Variants in NBEAL1 observed in about 807,000 individuals in gnomAD.
NBEAL1 encodes neurobeachin-like protein 1.
A neutral mutation model predicts 351.3 loss-of-function variants in NBEAL1; 273 were observed. That is an observed-to-expected ratio of 0.78 (90% CI 0.70 to 0.86). NBEAL1 has a LOEUF of 0.86. NBEAL1 is among the 40% of genes least tolerant of loss of function. The pLI, the probability that NBEAL1 is intolerant of heterozygous loss-of-function variation, is 0.00. For missense variants in NBEAL1, 2,961 were observed against 3,201.3 expected, an observed-to-expected ratio of 0.92 and a Z score of 1.81; for synonymous variants, 1,050 against 1,086.4, an observed-to-expected ratio of 0.97 and a Z score of 0.66.
At position 203,086,694 on chromosome 2, in the gene NBEAL1, C is replaced by T. The variant is rs1574949659; in HGVS notation, c.1098+2125C>T. ...GGATTACAGGTGCCTGCCACCATGC[C>T]TGGCTAATCTTTGTATTTTTAGTAG... On this transcript the variant is annotated intron_variant, in intron 10 of 55. Coordinates refer to ENST00000683969, the MANE Select transcript of NBEAL1 (RefSeq NM_001378026.1). Among the ~76,000 whole-genome samples the T allele has an allele frequency of 2.0e-5, 3 of 152,298 alleles. No individual in the cohort carries two copies. In the East Asian group the frequency reaches 5.8e-4, roughly 29 times the overall value.
chr2:203,108,822 G>T (rs2062498537), intron 14 of NBEAL1, among the ~76,000 whole-genome samples: 2 of 152,022 alleles, frequency 1.3e-5, no homozygotes, highest in Admixed American at 1.3e-4. Context: ...AGAGGCAGGT[G>T]CATTGCCTGA....
chr2:203,127,714 T>C (rs2062973689), intron 23 of NBEAL1, 67 bp from the exon 24 acceptor site: 13 of 1,037,330 alleles, frequency 1.3e-5, no homozygotes, highest in Non-Finnish European at 1.8e-5. Context: ...AGAGCGAGAC[T>C]CCATCTCAGA....
chr2:203,127,143 T>A (rs1575009069), intron 23 of NBEAL1, among the ~76,000 whole-genome samples: 1 of 152,220 alleles, frequency 6.6e-6, no homozygotes. Flanking sequence ...GGCAAATTAC[T>A]CAACTTCTCT....
At chr2:203,212,188 C>G (rs921766423) in intron 54 of NBEAL1, among the ~76,000 whole-genome samples, 1 of 151,830 alleles carries the variant, frequency 6.6e-6, no homozygotes. Flanking sequence ...GCACCTGGCC[C>G]GAGATTTCTG....
intron 18 of NBEAL1, among the ~76,000 whole-genome samples, chr2:203,116,789 CA>C (rs34559564): frequency 2.3e-3 from 227 of 100,694 alleles, no homozygotes; most frequent in Middle Eastern, 5.7e-3. Flanking sequence ...GACCCTGTCT[CA>C]AAAAAAAAAA....
intron 2 of NBEAL1, among the ~76,000 whole-genome samples, chr2:203,026,663 C>T (rs541245076): frequency 6.6e-6 from 1 of 152,022 alleles, no homozygotes; most frequent in African/African-American, 2.4e-5. Flanking sequence ...TACTGGTGTG[C>T]ACCACCATGC....
At chr2:203,110,674 A>AAAT (rs1553610986) in intron 15 of NBEAL1, among the ~76,000 whole-genome samples, 5 of 130,880 alleles carry the variant, frequency 3.8e-5, no homozygotes, top group East Asian at 2.2e-4. Flanking sequence ...ATCCTGTCTC[A>AAAT]AAATAAATAA....
chr2:203,186,213 C>A (rs985394482), intron 44 of NBEAL1, among the ~76,000 whole-genome samples: 10 of 152,246 alleles, frequency 6.6e-5, no homozygotes, highest in Non-Finnish European at 1.2e-4. Context: ...ATTTGACCCA[C>A]AGACAGTAGT....
intron 3 of NBEAL1, among the ~76,000 whole-genome samples, chr2:203,043,227 A>G (rs1574886694): frequency 6.6e-6 from 1 of 152,168 alleles, no homozygotes; most frequent in Non-Finnish European, 1.5e-5. Context: ...AAAAATTCAA[A>G]TTTATGGAAA....
At chr2:203,039,591 G>A (rs913558366) in intron 2 of NBEAL1, among the ~76,000 whole-genome samples, 7 of 151,862 alleles carry the variant, frequency 4.6e-5, no homozygotes, top group East Asian at 1.9e-4. Context: ...ATGGGGTTTC[G>A]CCATGTTGGC....
At chr2:203,030,400 A>G (rs2060931119) in intron 2 of NBEAL1, among the ~76,000 whole-genome samples, 1 of 152,188 alleles carries the variant, frequency 6.6e-6, no homozygotes, top group Non-Finnish European at 1.5e-5. Context: ...GTTCTTTTCA[A>G]GATGGGCCTC....
Position 203,190,159 on chromosome 2 carries a change from TACACACACACAC to T in NBEAL1, c.6824-94_6824-83del, listed in dbSNP as rs71034227. The T allele has an allele frequency of 8.4e-3, 3,790 of 450,478 alleles. 148 individuals carry two copies. The highest frequency in any genetic ancestry group is 0.08 in the African/African-American group (3,306 of 41,518). The allele number at this position is 450,478 out of a possible 1,614,324, so 27.9% of individuals were successfully genotyped here. On this transcript the variant is annotated intron_variant, in intron 45 of 55. Coordinates refer to ENST00000683969, the MANE Select transcript of NBEAL1 (RefSeq NM_001378026.1). ...TCAAAAAAAAAAAAAAAGATGTGTG[TACACACACACAC>T]ACACACACACACACACACACACACA... is the stretch of plus-strand genomic sequence containing the variant.
intron 41 of NBEAL1, among the ~76,000 whole-genome samples, chr2:203,174,920 G>C (rs2064449569): frequency 6.6e-6 from 1 of 151,560 alleles, no homozygotes; most frequent in Admixed American, 6.6e-5. Context: ...AACTATTCCA[G>C]AATTAAGTGT....
intron 31 of NBEAL1, 143 bp downstream of exon 31, chr2:203,138,891 A>G: frequency 1.3e-6 from 1 of 785,104 alleles, no homozygotes; most frequent in East Asian, 2.9e-5. Flanking sequence ...TGGAGTTTTG[A>G]GGAGCTTGAG....
At chr2:203,109,632 G>A (rs1325170056) in intron 14 of NBEAL1, among the ~76,000 whole-genome samples, 2 of 151,972 alleles carry the variant, frequency 1.3e-5, no homozygotes, top group East Asian at 3.9e-4. Context: ...CGATTCTCCT[G>A]CCTCAGCCAC....
intron 42 of NBEAL1, among the ~76,000 whole-genome samples, chr2:203,179,999 C>A (rs1474428055): frequency 1.3e-5 from 2 of 152,294 alleles, no homozygotes; most frequent in South Asian, 2.1e-4. Flanking sequence ...GTCTTGAACT[C>A]CTGACCTGAG....
chr2:203,145,304 A>G (rs2106338849), intron 33 of NBEAL1, 144 bp downstream of exon 33: 1 of 750,838 alleles, frequency 1.3e-6, no homozygotes, highest in African/African-American at 1.8e-5. Flanking sequence ...TAGAAGAAAA[A>G]CAGCTAATCA....
chr2:203,110,372 CT>C, intron 15 of NBEAL1, 90 bp downstream of exon 15: 1 of 1,419,396 alleles, frequency 7.0e-7, no homozygotes. Flanking sequence ...CATTTTTTTG[CT>C]AAAAAATTTA....
In NBEAL1 at chr2:203,144,603, T is replaced by C; in HGVS notation, c.4852T>C (p.Cys1618Arg). ...CATCTAAACTGTTTTCCTCCAGGTTTGTGCAATGGCATCAGCTAAGCTAAA... is the reference window on the plus strand; with the variant it reads ...CATCTAAACTGTTTTCCTCCAGGTTCGTGCAATGGCATCAGCTAAGCTAAA... ...GFIGRGNLQV[C>R]AMASAKLNTL... Residue 1618 changes from cysteine (C) to arginine (R), a missense_variant, in exon 32 of 56, where the codon TGT becomes CGT. Transcript: ENST00000683969. The C allele has an allele frequency of 6.2e-7, 1 of 1,606,992 alleles. No homozygotes were observed. Among genetic ancestry groups the C allele is most frequent in the Non-Finnish European group, 8.5e-7 (1 of 1,176,010 alleles).
Sources: allele counts gnomAD v4.1 joint callset (sites outside exome capture counted in the v4.1 genomes callset), GRCh38; gene constraint gnomAD v4.1.1; transcripts MANE v1.5; gene names NCBI Gene and HGNC (gene_info 2026-07-23, HGNC 2026-07-21).